RAB44: variants seen among roughly 807,000 people sequenced by gnomAD.
RAB44 encodes the protein RAB44, member RAS oncogene family, also known as ras-related protein Rab-44.
A neutral mutation model predicts 93.3 loss-of-function variants in RAB44; 67 were observed. The ratio of observed to expected loss-of-function variants is 0.72; its 90% CI spans 0.59 to 0.88. The LOEUF is 0.88. Ranked by LOEUF, RAB44 falls within the 40% of genes least tolerant of loss-of-function variation. The pLI is 0.00. For synonymous variants in RAB44, 427 were observed against 520.3 expected, an observed-to-expected ratio of 0.82 and a Z score of 2.44; for missense variants, 1,064 against 1,261.7, an observed-to-expected ratio of 0.84 and a Z score of 2.37.
intron 3 of RAB44, among the ~76,000 whole-genome samples, chr6:36,714,756 G>A (rs929538205): frequency 2.0e-5 from 3 of 152,172 alleles, no homozygotes; most frequent in Non-Finnish European, 2.9e-5. Context: ...TGCCCGCCAC[G>A]CCAGGAACTT....
At position 36,732,400 on chromosome 6, in the gene RAB44, T is replaced by A; in HGVS notation, c.*307T>A. On this transcript the variant is annotated 3_prime_UTR_variant, in exon 14 of 14. Coordinates refer to ENST00000612677, the MANE Select transcript of RAB44 (RefSeq NM_001257357.2). ...AATATTGGCCGCACATCTGTGGGTG[T>A]AAAATTTTAGGGAGAATGTGGGGGG... The A allele has an allele frequency of 6.3e-6, 1 of 158,318 alleles. No individual in the cohort carries two copies. Among genetic ancestry groups the A allele is most frequent in the Non-Finnish European group, 1.3e-5 (1 of 78,534 alleles). The allele number at this position is 158,318 out of a possible 1,614,324, so 9.8% of individuals were successfully genotyped here.
chr6:36,704,068 G>A (rs989230250), intron 1 of RAB44, among the ~76,000 whole-genome samples, 156 bp from the exon 2 acceptor site: 3 of 152,176 alleles, frequency 2.0e-5, no homozygotes, highest in African/African-American at 4.8e-5. Flanking sequence ...GCGGCTGGGC[G>A]ACGAGGTCAG....
Position 36,721,131 on chromosome 6 carries a change from C to A in RAB44, c.1017-20C>A. 2 of 1,234,174 alleles carry A rather than the reference C, an allele frequency of 1.6e-6. No individual in the cohort carries two copies. The highest frequency in any genetic ancestry group is 2.0e-6 in the Non-Finnish European group (2 of 988,106). 76.5% of individuals were successfully genotyped at this position (1,234,174 alleles called of 1,614,324 possible). A position where few individuals can be genotyped will look rare whatever the true frequency, so the allele number is the denominator to read the frequency against. On this transcript the variant is annotated intron_variant, in intron 8 of 13. Transcript: ENST00000612677. Reference sequence around the variant, plus strand: ...CCTACCTGCCCCTCCCCGATCTTTGCTTCCCTGCTTCATTTCCAGTTTTCC... The same window carrying A: ...CCTACCTGCCCCTCCCCGATCTTTGATTCCCTGCTTCATTTCCAGTTTTCC...
Position 36,715,614 on chromosome 6 carries a change from C to A in RAB44, c.455C>A (p.Ala152Asp). 3.9e-6 allele frequency: 6 copies of A among 1,536,182 alleles called. No homozygotes were observed. Among genetic ancestry groups the A allele is most frequent in the Non-Finnish European group, 4.4e-6 (5 of 1,146,922 alleles). Residue 152 changes from alanine (A) to aspartate (D), a missense_variant, in exon 4 of 14, where the codon GCC becomes GAC. By Grantham distance (126) the Ala-to-Asp change is moderately radical (BLOSUM62 -2). Coordinates refer to ENST00000612677, the MANE Select transcript of RAB44 (RefSeq NM_001257357.2). ...GCTGAGGAGAAGGAGGCGTTCCTTG[C>A]CTTCATGGAGCAGCTGGGGACTGGA... ...ADAEEKEAFL[A>D]FMEQLGTGHL...
At position 36,722,640 on chromosome 6, in the gene RAB44, G is replaced by A; in HGVS notation, c.2506G>A (p.Val836Ile). Reference protein sequence around the residue: ...PQANPDYLFHVIFLGDSNVGK... With the variant: ...PQANPDYLFHIIFLGDSNVGK... ...GGCCAACCCTGATTACCTCTTCCAT[G>A]TCATCTTTCTGGGAGACTCCAACGT... Residue 836 changes from valine to isoleucine, a missense_variant, in exon 9 of 14, where the codon GTC (valine) becomes ATC (isoleucine). Val to Ile is a conservative substitution (Grantham distance 29, BLOSUM62 3). Coordinates refer to ENST00000612677, the MANE Select transcript of RAB44 (RefSeq NM_001257357.2). The A allele has an allele frequency of 6.4e-7, 1 of 1,550,646 alleles. No individual in the cohort carries two copies. The highest frequency in any genetic ancestry group is 8.7e-7 in the Non-Finnish European group (1 of 1,147,010).
chr6:36,713,206 T>G (rs994606369), intron 2 of RAB44, among the ~76,000 whole-genome samples: 40 of 152,232 alleles, frequency 2.6e-4, no homozygotes, highest in African/African-American at 9.2e-4. Flanking sequence ...TTTATTTTTA[T>G]TTTTTTGAAA....
Position 36,721,545 on chromosome 6 carries a change from G to A in RAB44, c.1411G>A (p.Glu471Lys), listed in dbSNP as rs1334655322. 2.4e-6 allele frequency: 3 copies of A among 1,234,414 alleles called. No individual in the cohort carries two copies. The highest frequency in any genetic ancestry group is 3.0e-6 in the Non-Finnish European group (3 of 988,334). 76.5% of individuals were successfully genotyped at this position (1,234,414 alleles called of 1,614,324 possible). ...ACCGCACGACCCGGACCCCAACCAG[G>A]AGCCAGGGTCCACACCCGAGGGCCG... ...VEPHDPDPNQEPGSTPEGRLL... is the reference protein window; with the variant it reads ...VEPHDPDPNQKPGSTPEGRLL... Residue 471 changes from glutamate to lysine, a missense_variant, in exon 9 of 14, where the codon GAG (glutamate) becomes AAG (lysine). Coordinates refer to ENST00000612677, the MANE Select transcript of RAB44 (RefSeq NM_001257357.2).
rs1182587786 is a variant in RAB44, at chr6:36,718,070, G to A, written c.684G>A (p.Glu228=). Residue 228 remains glutamate (E), a synonymous_variant, in exon 6 of 14, where the codon GAG becomes GAA. Transcript: ENST00000612677. ...DHHREVQQLY[E]EMEQQIRQEK... ...ACCGCGAGGTCCAGCAGCTCTATGA[G>A]GAGATGGAGCAGCAGATCCGCCAGG... The A allele has an allele frequency of 8.1e-7, 1 of 1,232,144 alleles. No homozygotes were observed. Among genetic ancestry groups the A allele is most frequent in the African/African-American group, 1.6e-5 (1 of 64,416 alleles). The allele number at this position is 1,232,144 out of a possible 1,614,324, so 76.3% of individuals were successfully genotyped here. A position where few individuals can be genotyped will look rare whatever the true frequency, so the allele number is the denominator to read the frequency against.
intron 1 of RAB44, among the ~76,000 whole-genome samples, chr6:36,699,719 G>A (rs1209565958): frequency 6.6e-6 from 1 of 152,198 alleles, no homozygotes; most frequent in Non-Finnish European, 1.5e-5. Context: ...GGCTGGGGCA[G>A]GTCACTCTGC....
chr6:36,712,335 G>T (rs1327381152), intron 2 of RAB44, among the ~76,000 whole-genome samples: 1 of 152,082 alleles, frequency 6.6e-6, no homozygotes, highest in Non-Finnish European at 1.5e-5. Flanking sequence ...AGATCTCAAA[G>T]AGCTGTTCTC....
intron 3 of RAB44, 101 bp from the exon 4 acceptor site, chr6:36,715,378 G>C (rs1267368969): frequency 9.6e-7 from 1 of 1,044,486 alleles, no homozygotes; most frequent in Non-Finnish European, 1.4e-6. Context: ...GACTGGCACA[G>C]GTAGAATTAC....
chr6:36,713,981 C>T (rs1057367729), intron 3 of RAB44, 42 bp downstream of exon 3: 14 of 1,278,596 alleles, frequency 1.1e-5, no homozygotes, highest in African/African-American at 1.5e-5. Context: ...CCAGGTGTTC[C>T]GTGCAGTGTG....
chr6:36,731,134 C>A lies in RAB44; in HGVS notation c.2975+385C>A, dbSNP rs1035483654. On this transcript the variant is annotated intron_variant, in intron 13 of 13. Coordinates refer to ENST00000612677, the MANE Select transcript of RAB44 (RefSeq NM_001257357.2). The surrounding 1 kb of genome is among the most constrained non-coding windows in gnomAD (Gnocchi z 4.0). ...GCAGCATCTCTAGTGCCATCTCCCC[C>A]ACCCCTACACACACACACATTCACT... Among the ~76,000 whole-genome samples, 1 of 151,824 alleles carries A rather than the reference C, an allele frequency of 6.6e-6. No individual in the cohort carries two copies. The highest frequency in any genetic ancestry group is 1.5e-5 in the Non-Finnish European group (1 of 67,936).
At position 36,699,786 on chromosome 6, in the gene RAB44, T is replaced by C. The variant is rs188287354; in HGVS notation, c.-13+1871T>C. ...TCAAATGGGATCAATTGTATCTGCA[T>C]GGAACCTGGCTTTTATGTGCCTCAA... On this transcript the variant is annotated intron_variant, in intron 1 of 13. Transcript: ENST00000612677. Among the ~76,000 whole-genome samples the C allele has an allele frequency of 2.9e-3, 449 of 152,382 alleles. 1 individual carries two copies. The highest frequency in any genetic ancestry group is 0.01 in the African/African-American group (432 of 41,598).
At chr6:36,715,372 G>A (rs1235059323) in intron 3 of RAB44, 107 bp from the exon 4 acceptor site, 27 of 972,598 alleles carry the variant, frequency 2.8e-5, no homozygotes, top group Non-Finnish European at 3.9e-5. Context: ...AAATGTGACT[G>A]GCACAGGTAG....
At chr6:36,699,146 A>C (rs1762453779) in intron 1 of RAB44, among the ~76,000 whole-genome samples, 2 of 152,120 alleles carry the variant, frequency 1.3e-5, no homozygotes, top group Non-Finnish European at 2.9e-5. Context: ...CGGGTGGCTG[A>C]GTACCCCTCC....
At chr6:36,721,045 G>A in intron 8 of RAB44, 106 bp from the exon 9 acceptor site, 1 of 1,067,604 alleles carries the variant, frequency 9.4e-7, no homozygotes, top group African/African-American at 1.6e-5. Flanking sequence ...ACTGGGAGGA[G>A]ACCTGGCCAT....
chr6:36,714,029 C>A (rs898083776), intron 3 of RAB44, 90 bp downstream of exon 3: 2 of 823,262 alleles, frequency 2.4e-6, no homozygotes, highest in Admixed American at 2.2e-5. Context: ...AGAAAGGCAA[C>A]CCTTTTCCCA....
At chr6:36,708,673 C>T (rs1352844927) in intron 2 of RAB44, among the ~76,000 whole-genome samples, 1 of 151,914 alleles carries the variant, frequency 6.6e-6, no homozygotes, top group African/African-American at 2.4e-5. Context: ...GATACCTTTG[C>T]TTTTTGTTTT....
Sources: allele counts gnomAD v4.1 joint callset (sites outside exome capture counted in the v4.1 genomes callset), GRCh38; gene constraint gnomAD v4.1.1; non-coding constraint Gnocchi (gnomAD v3.1); transcripts MANE v1.5; gene names NCBI Gene and HGNC (gene_info 2026-07-23, HGNC 2026-07-21).